The following TPP2 variants were observed in gnomAD, a reference collection of about 807,000 sequenced individuals.
TPP2 encodes the protein tripeptidyl-peptidase 2.
Under a neutral mutation model 155.9 loss-of-function variants are expected in TPP2, and 34 were observed. The observed-to-expected ratio is 0.22, with a 90% CI of 0.17 to 0.29. The LOEUF (loss-of-function observed/expected upper bound fraction) is 0.29. TPP2 is among the 10% of genes least tolerant of loss of function. The probability of loss-of-function intolerance (pLI) is 1.00; values close to 1 mark genes in which losing one functional copy is unlikely to be tolerated. For synonymous variants in TPP2, 510 were observed against 529.4 expected (o/e 0.96, Z 0.50); for missense variants, 1,028 against 1,522.3 (o/e 0.68, Z 5.40).
intron 3 of TPP2, among the ~76,000 whole-genome samples, chr13:102,615,053 A>G (rs1880614663): frequency 6.6e-6 from 1 of 152,156 alleles, no homozygotes; most frequent in Admixed American, 6.5e-5. Flanking sequence ...GATGGATAAG[A>G]TGTGTGGGGC....
intron 11 of TPP2, among the ~76,000 whole-genome samples, chr13:102,635,202 TC>T (rs1466462199): frequency 1.3e-5 from 2 of 152,172 alleles, no homozygotes. Flanking sequence ...TTGCTTGAGT[TC>T]CCCTGGGGTT....
At chr13:102,605,616 T>C (rs1703979872) in intron 2 of TPP2, among the ~76,000 whole-genome samples, 1 of 151,888 alleles carries the variant, frequency 6.6e-6, no homozygotes, top group South Asian at 2.1e-4. Context: ...TGTTTTACTG[T>C]CCCTTCATAG....
chr13:102,669,352 C>G lies in TPP2; in HGVS notation c.3371+4427C>G, dbSNP rs566930027. Among the ~76,000 whole-genome samples, 6 of 152,154 alleles carry G rather than the reference C, an allele frequency of 3.9e-5. No homozygotes were observed. The East Asian group carries it at 9.7e-4, about 25-fold the overall frequency. ...GGATGCCTGTGGATTGTTGGATGTTCCACATATGACAAAATTGCTGAAATT... is the reference window on the plus strand; with the variant it reads ...GGATGCCTGTGGATTGTTGGATGTTGCACATATGACAAAATTGCTGAAATT... On this transcript the variant is annotated intron_variant, in intron 27 of 29. Transcript: ENST00000376052.
chr13:102,678,501 C>T lies in TPP2; in HGVS notation c.*185C>T, dbSNP rs978419427. ...GCTTAATACATGTAAATCTAGACCT[C>T]TGACATCATGGTGTTTTCTTAATGC... is the stretch of plus-strand genomic sequence containing the variant. On this transcript the variant is annotated 3_prime_UTR_variant, in exon 30 of 30. Coordinates refer to ENST00000376052, the MANE Select transcript of TPP2 (RefSeq NM_001330588.2). 14 of 513,446 alleles carry T rather than the reference C, an allele frequency of 2.7e-5. No individual in the cohort carries two copies. Among genetic ancestry groups the T allele is most frequent in the South Asian group, 5.5e-5 (2 of 36,530 alleles). 31.8% of individuals were successfully genotyped at this position (513,446 alleles called of 1,614,324 possible).
intron 8 of TPP2, among the ~76,000 whole-genome samples, chr13:102,628,181 A>G (rs912178238): frequency 4.5e-4 from 68 of 152,122 alleles, no homozygotes; most frequent in African/African-American, 1.6e-3. Context: ...AACTCTGAGC[A>G]TGCCTGTGCT....
rs1218444384 is a variant in TPP2 at position 102,634,078 on chromosome 13, G to T, written c.1373G>T (p.Gly458Val). The stretch of plus-strand genomic sequence containing the variant: ...ATGTCTTCCCCCAATGCATGTGGAG[G>T]CATTGCCCTGATCCTTTCAGGTAAG... ...TSMSSPNACG[G>V]IALILSGLKA... is the part of the protein sequence containing the mutation. The change falls in exon 11 of 30, where the codon GGC becomes GTC. Residue 458 changes from glycine (G) to valine (V), a missense_variant. Physicochemically the swap from Gly to Val is moderately radical, Grantham distance 109. Coordinates refer to ENST00000376052, the MANE Select transcript of TPP2 (RefSeq NM_001330588.2). The T allele has an allele frequency of 3.7e-6, 6 of 1,613,938 alleles. No individual in the cohort carries two copies. The highest frequency in any genetic ancestry group is 1.7e-6 in the Non-Finnish European group (2 of 1,179,958).
At chr13:102,605,837 C>T (rs1252287111) in intron 2 of TPP2, among the ~76,000 whole-genome samples, 1 of 151,882 alleles carries the variant, frequency 6.6e-6, no homozygotes, top group Non-Finnish European at 1.5e-5. Flanking sequence ...AATTCTCCTG[C>T]CTCAGCCTCC....
At chr13:102,603,699 C>T (rs1879605369) in intron 1 of TPP2, among the ~76,000 whole-genome samples, 1 of 152,098 alleles carries the variant, frequency 6.6e-6, no homozygotes, top group Non-Finnish European at 1.5e-5. Flanking sequence ...AAGGAGAGGA[C>T]TGATAAAATA....
chr13:102,623,584 A>G (rs1478876574), intron 6 of TPP2, among the ~76,000 whole-genome samples: 1 of 152,194 alleles, frequency 6.6e-6, no homozygotes, highest in African/African-American at 2.4e-5. Flanking sequence ...CATCAATAGA[A>G]TTTATCTCAT....
chr13:102,628,965 G>GGTATA (rs1881836568), intron 8 of TPP2, among the ~76,000 whole-genome samples: 1 of 151,904 alleles, frequency 6.6e-6, no homozygotes, highest in African/African-American at 2.4e-5. Context: ...TCTTCTTCAT[G>GGTATA]GTATAACCTC....
At chr13:102,674,923 TATC>T (rs796626726) in intron 28 of TPP2, among the ~76,000 whole-genome samples, 55 of 152,350 alleles carry the variant, frequency 3.6e-4, no homozygotes, top group African/African-American at 1.2e-3. Context: ...TCTCAGTAAT[TATC>T]ATCTTGATTT....
chr13:102,672,420 T>C (rs1399961174), intron 27 of TPP2, among the ~76,000 whole-genome samples: 1 of 152,222 alleles, frequency 6.6e-6, no homozygotes, highest in Non-Finnish European at 1.5e-5. Flanking sequence ...TCCATTGTTA[T>C]CTGCCGTTTG....
chr13:102,625,290 A>G (rs1881526849), intron 6 of TPP2, among the ~76,000 whole-genome samples: 2 of 147,472 alleles, frequency 1.4e-5, no homozygotes, highest in African/African-American at 2.5e-5. Context: ...TCAGCCTCCC[A>G]AGTAGCTGGG....
At chr13:102,652,452 AT>A (rs1883581709) in intron 24 of TPP2, among the ~76,000 whole-genome samples, 7 of 77,896 alleles carry the variant, frequency 9.0e-5, no homozygotes, top group Non-Finnish European at 1.8e-4. Flanking sequence ...ATATATATAT[AT>A]AAAAGGGACC....
chr13:102,645,697 G>A (rs974818670), intron 19 of TPP2, among the ~76,000 whole-genome samples: 2 of 152,094 alleles, frequency 1.3e-5, no homozygotes, highest in Non-Finnish European at 2.9e-5. Context: ...CTAAAAAATT[G>A]GAGCTAAATT....
chr13:102,615,505 T>C (rs1880651119), intron 3 of TPP2, among the ~76,000 whole-genome samples: 2 of 152,218 alleles, frequency 1.3e-5, no homozygotes, highest in African/African-American at 4.8e-5. Flanking sequence ...TGATTTAATA[T>C]GCAAATATAG....
intron 19 of TPP2, among the ~76,000 whole-genome samples, chr13:102,645,298 T>G (rs890689806): frequency 4.6e-5 from 7 of 152,210 alleles, no homozygotes; most frequent in African/African-American, 1.7e-4. Context: ...AAGTTAACAT[T>G]CTCTCTGATA....
At chr13:102,609,832 C>T (rs1434417556) in intron 2 of TPP2, among the ~76,000 whole-genome samples, 1 of 152,100 alleles carries the variant, frequency 6.6e-6, no homozygotes, top group Non-Finnish European at 1.5e-5. Context: ...TTTCGACATG[C>T]GATTTGGGTA....
chr13:102,638,299 G>T lies in TPP2; in HGVS notation c.1897G>T (p.Ala633Ser). The T allele has an allele frequency of 6.2e-7, 1 of 1,612,778 alleles. No homozygotes were observed. The highest frequency in any genetic ancestry group is 8.5e-7 in the Non-Finnish European group (1 of 1,179,924). ...TCCGCTCTTCAGAGTTCCGATCACT[G>T]CAGTTATAGCAGCAAAGTAAGTAAC... Reference protein sequence around the residue: ...AGPLFRVPITAVIAAKVNESS... With the variant: ...AGPLFRVPITSVIAAKVNESS... Residue 633 changes from alanine to serine, a missense_variant, in exon 15 of 30, where the codon GCA becomes TCA. Physicochemically the swap from Ala to Ser is moderately conservative, Grantham distance 99 (BLOSUM62 1). Coordinates refer to ENST00000376052, the MANE Select transcript of TPP2 (RefSeq NM_001330588.2).
Sources: gnomAD v4.1 joint callset for allele counts (sites outside exome capture counted in the v4.1 genomes callset) on GRCh38, gnomAD v4.1.1 for gene constraint, MANE v1.5 for transcripts, NCBI Gene and HGNC (gene_info 2026-07-23, HGNC 2026-07-21) for gene names.